FSTL4: variants seen among roughly 807,000 people sequenced by gnomAD.
The protein encoded by FSTL4 is follistatin like 4, also known as follistatin-related protein 4.
A neutral mutation model predicts 78.2 loss-of-function variants in FSTL4; 28 were observed. The ratio of observed to expected loss-of-function variants is 0.36; its 90% CI spans 0.27 to 0.49. The LOEUF (loss-of-function observed/expected upper bound fraction) is 0.49. Among genes scored for constraint, FSTL4 ranks in the 20% least tolerant of loss-of-function variants. The pLI is 0.98. For missense variants in FSTL4, 922 were observed against 1,084.9 expected (o/e 0.85, Z 2.11); for synonymous variants, 422 against 440.5 (o/e 0.96, Z 0.53).
intron 3 of FSTL4, among the ~76,000 whole-genome samples, chr5:133,409,367 G>A (rs764075218): frequency 3.3e-5 from 5 of 152,184 alleles, no homozygotes; most frequent in Non-Finnish European, 5.9e-5. Flanking sequence ...GCTACAGACA[G>A]GTCCTATGGT....
intron 1 of FSTL4, among the ~76,000 whole-genome samples, chr5:133,609,077 A>G (rs1484282608): frequency 6.6e-6 from 1 of 152,228 alleles, no homozygotes; most frequent in African/African-American, 2.4e-5. Flanking sequence ...CCTCTCTCCC[A>G]GAACTTGGTA....
chr5:133,350,179 G>T (rs1754793075), intron 4 of FSTL4, among the ~76,000 whole-genome samples: 2 of 152,198 alleles, frequency 1.3e-5, no homozygotes, highest in African/African-American at 4.8e-5. Flanking sequence ...CCATGTGACT[G>T]TAAAGGACCC....
At chr5:133,366,498 T>A (rs1205733239) in intron 4 of FSTL4, among the ~76,000 whole-genome samples, 5 of 152,130 alleles carry the variant, frequency 3.3e-5, no homozygotes, top group African/African-American at 1.2e-4. Flanking sequence ...CCTCAATCCA[T>A]GTTTACTGAC....
At chr5:133,207,415 C>A (rs1009421240) in intron 14 of FSTL4, among the ~76,000 whole-genome samples, 16 of 152,170 alleles carry the variant, frequency 1.1e-4, no homozygotes, top group Admixed American at 9.8e-4. Flanking sequence ...TAAGGGCAAC[C>A]TTTTATTATC....
chr5:133,298,053 CT>C, intron 6 of FSTL4, among the ~76,000 whole-genome samples: 1 of 152,304 alleles, frequency 6.6e-6, no homozygotes, highest in Middle Eastern at 3.4e-3. Context: ...AGAACACAGG[CT>C]TGGAAGCTGA....
At position 133,361,636 on chromosome 5, in the gene FSTL4, G is replaced by A. The variant is rs1460934159; in HGVS notation, c.409+39102C>T. Among the ~76,000 whole-genome samples the A allele has an allele frequency of 6.6e-6, 1 of 152,184 alleles. No homozygotes were observed. The highest frequency in any genetic ancestry group is 1.5e-5 in the Non-Finnish European group (1 of 68,042). On this transcript the variant is annotated intron_variant, in intron 4 of 15. Transcript: ENST00000265342. The surrounding 1 kb of genome is among the most constrained non-coding windows in gnomAD (Gnocchi z 4.3). ...TGAGACTGGGAATGTATAGCCATGA[G>A]GAAACCCAAAGGAGGTGTCAAATGC... is the stretch of plus-strand genomic sequence containing the variant.
the FSTL4 span, among the ~76,000 whole-genome samples, chr5:133,807,570 C>A: frequency 6.6e-6 from 1 of 152,194 alleles, no homozygotes; most frequent in South Asian, 2.1e-4. Context: ...CCTCTCTTTC[C>A]ACCAGCTGAA....
At chr5:133,376,543 A>G (rs891090269) in intron 4 of FSTL4, among the ~76,000 whole-genome samples, 4 of 152,118 alleles carry the variant, frequency 2.6e-5, no homozygotes, top group Admixed American at 2.0e-4. Context: ...TTTTGATTTT[A>G]AAAAAAACAC....
rs1328512004 is a variant in FSTL4, at chr5:133,206,714, A to G, written c.1716+3477T>C. ...TATCTGGAATAAAATTCCCTTTCTC[A>G]TTCCTCATTTTGTCTATTTTTGTTT... On this transcript the variant is annotated intron_variant, in intron 14 of 15. Coordinates refer to ENST00000265342, the MANE Select transcript of FSTL4 (RefSeq NM_015082.2). Among the ~76,000 whole-genome samples, 6 of 151,982 alleles carry G rather than the reference A, an allele frequency of 3.9e-5. No individual in the cohort carries two copies. In the East Asian group the frequency reaches 1.2e-3, roughly 29 times the overall value.
chr5:133,660,438 C>T, the FSTL4 span, among the ~76,000 whole-genome samples: 12 of 152,342 alleles, frequency 7.9e-5, no homozygotes, highest in South Asian at 2.5e-3. Flanking sequence ...CCTGTGGTGC[C>T]AGCAGCAAAG....
At chr5:133,684,540 G>A in the FSTL4 span, among the ~76,000 whole-genome samples, 3 of 152,188 alleles carry the variant, frequency 2.0e-5, no homozygotes, top group East Asian at 5.8e-4. Flanking sequence ...TCTCCCTCAA[G>A]TACCCATTGA....
intron 6 of FSTL4, among the ~76,000 whole-genome samples, chr5:133,255,650 A>G (rs756421708): frequency 4.6e-5 from 7 of 152,236 alleles, no homozygotes; most frequent in Non-Finnish European, 8.8e-5. Flanking sequence ...CCTTCAAACC[A>G]GTGCAGTAGC....
rs761870462 is a variant in FSTL4, at chr5:133,233,462, A to G, written c.970T>C (p.Ser324Pro). Residue 324 changes from serine to proline, a missense_variant, in exon 8 of 16, where the codon TCC (serine) becomes CCC (proline). By Grantham distance (74) the Ser-to-Pro change is moderately conservative (BLOSUM62 -1). Coordinates refer to ENST00000265342, the MANE Select transcript of FSTL4 (RefSeq NM_015082.2). ...IHMGNYTCHA[S>P]GHEQLFQTHV... ...GTCTGGAACAGCTGCTCGTGGCCGG[A>G]AGCATGGCAGGTGTAATTGCCCATG... 8.7e-6 allele frequency: 14 copies of G among 1,614,110 alleles called. No individual in the cohort carries two copies. The highest frequency in any genetic ancestry group is 1.6e-4 in the Middle Eastern group (1 of 6,078).
chr5:133,342,728 G>A (rs1754609107), intron 4 of FSTL4, among the ~76,000 whole-genome samples: 1 of 152,126 alleles, frequency 6.6e-6, no homozygotes, highest in African/African-American at 2.4e-5. Flanking sequence ...CCTTTCATGG[G>A]GACTATGAGA....
At chr5:133,304,995 C>T (rs946316681) in intron 6 of FSTL4, among the ~76,000 whole-genome samples, 1 of 152,214 alleles carries the variant, frequency 6.6e-6, no homozygotes. Flanking sequence ...TGCATGCACT[C>T]AGCTGTGTTT....
intron 4 of FSTL4, among the ~76,000 whole-genome samples, chr5:133,323,431 C>T (rs1437239469): frequency 1.3e-5 from 2 of 152,226 alleles, no homozygotes; most frequent in African/African-American, 2.4e-5. Context: ...GTCTTTGTCC[C>T]CTTTACTGTG....
At chr5:133,579,405 C>A (rs1432341624) in intron 2 of FSTL4, among the ~76,000 whole-genome samples, 1 of 152,194 alleles carries the variant, frequency 6.6e-6, no homozygotes, top group African/African-American at 2.4e-5. Flanking sequence ...AACACAGGGA[C>A]AGCCTGTGAT....
At chr5:133,289,719 C>G (rs964257770) in intron 6 of FSTL4, among the ~76,000 whole-genome samples, 2 of 152,214 alleles carry the variant, frequency 1.3e-5, no homozygotes, top group African/African-American at 4.8e-5. Flanking sequence ...CAAAGCCTGA[C>G]ATTCTGCCTC....
chr5:133,575,712 G>T (rs1205816079), intron 2 of FSTL4, among the ~76,000 whole-genome samples: 1 of 152,126 alleles, frequency 6.6e-6, no homozygotes, highest in African/African-American at 2.4e-5. Flanking sequence ...TGACACCAAG[G>T]CCCTGGATGC....
Sources: gnomAD v4.1 joint callset for allele counts (sites outside exome capture counted in the v4.1 genomes callset) on GRCh38, gnomAD v4.1.1 for gene constraint, Gnocchi (gnomAD v3.1) non-coding constraint, MANE v1.5 for transcripts, NCBI Gene and HGNC (gene_info 2026-07-23, HGNC 2026-07-21) for gene names.